CLEC6A: variants seen among roughly 807,000 people sequenced by gnomAD.
CLEC6A encodes C-type lectin domain family 6 member A.
A neutral mutation model predicts 25.7 loss-of-function variants in CLEC6A; 22 were observed. The observed-to-expected ratio is 0.85, with a 90% CI of 0.61 to 1.22. CLEC6A has a LOEUF of 1.22. Ranked by LOEUF, CLEC6A falls within the 50% of genes most tolerant of loss-of-function variation. The probability of loss-of-function intolerance (pLI) is 0.00; values close to 1 mark genes in which losing one functional copy is unlikely to be tolerated. For missense variants in CLEC6A, 240 were observed against 236.8 expected (o/e 1.01, Z -0.09); for synonymous variants, 92 against 76.7 (o/e 1.20, Z -1.04).
chr12:8,477,353 A>T lies in CLEC6A; in HGVS notation c.519A>T (p.Ala173=). 1.2e-6 allele frequency: 2 copies of T among 1,611,980 alleles called. No individual in the cohort carries two copies. The highest frequency in any genetic ancestry group is 4.5e-5 in the East Asian group (2 of 44,806). The change falls in exon 6 of 6, where the codon GCA becomes GCT. Residue 173 remains alanine, a synonymous_variant. Transcript: ENST00000382073. ...ACCTAGGTGAGCCCAATCATTCTGCAGAGCAATGTGCTTCAATAGTCTTCT... is the reference window on the plus strand; with the variant it reads ...ACCTAGGTGAGCCCAATCATTCTGCTGAGCAATGTGCTTCAATAGTCTTCT... The part of the protein sequence containing the change: ...FWHLGEPNHS[A]EQCASIVFWK...
intron 3 of CLEC6A, chr12:8,460,633 T>A: frequency 6.9e-7 from 1 of 1,442,534 alleles, no homozygotes; most frequent in Non-Finnish European, 9.7e-7. Context: ...TGCATACAAG[T>A]ATATCCAGGA....
At chr12:8,475,588 C>A (rs1212638788) in intron 4 of CLEC6A, among the ~76,000 whole-genome samples, 2 of 151,894 alleles carry the variant, frequency 1.3e-5, no homozygotes, top group Non-Finnish European at 2.9e-5. Flanking sequence ...TTAGGTCAAG[C>A]AGCAGGCAGG....
At chr12:8,473,495 G>T (rs115368803) in intron 4 of CLEC6A, among the ~76,000 whole-genome samples, 1 of 152,084 alleles carries the variant, frequency 6.6e-6, no homozygotes, top group Non-Finnish European at 1.5e-5. Context: ...CACCTAGGTC[G>T]ATTCCATGTT....
At chr12:8,469,441 A>G (rs1939876558) in intron 4 of CLEC6A, among the ~76,000 whole-genome samples, 1 of 152,148 alleles carries the variant, frequency 6.6e-6, no homozygotes, top group African/African-American at 2.4e-5. Context: ...AAAACCCTAA[A>G]ATTCATATGG....
intron 4 of CLEC6A, among the ~76,000 whole-genome samples, chr12:8,473,532 G>T (rs1939934472): frequency 6.6e-6 from 1 of 152,112 alleles, no homozygotes; most frequent in Admixed American, 6.6e-5. Flanking sequence ...CCATTGCAAT[G>T]AACATATGAG....
chr12:8,462,203 G>C, intron 3 of CLEC6A, among the ~76,000 whole-genome samples: 2 of 149,878 alleles, frequency 1.3e-5, no homozygotes, highest in Non-Finnish European at 3.0e-5. Flanking sequence ...CTAATCTCAA[G>C]TACCCAGGGA....
chr12:8,460,704 G>C (rs1057302427), intron 3 of CLEC6A: 2 of 1,486,920 alleles, frequency 1.3e-6, no homozygotes, highest in African/African-American at 2.8e-5. Flanking sequence ...GCTGCTGGCA[G>C]TACCGCCAGC....
chr12:8,470,473 C>T (rs933421027), intron 4 of CLEC6A, among the ~76,000 whole-genome samples: 3 of 152,056 alleles, frequency 2.0e-5, no homozygotes, highest in African/African-American at 7.2e-5. Flanking sequence ...GAAAAAGATA[C>T]TTGTACATGC....
chr12:8,465,790 C>A (rs1014965909), intron 4 of CLEC6A, among the ~76,000 whole-genome samples, 161 bp downstream of exon 4: 3 of 152,136 alleles, frequency 2.0e-5, no homozygotes, highest in Non-Finnish European at 4.4e-5. Context: ...AACTGGAACT[C>A]CCCACCCATT....
intron 4 of CLEC6A, among the ~76,000 whole-genome samples, chr12:8,467,355 G>C (rs1304947105): frequency 2.0e-5 from 3 of 152,134 alleles, no homozygotes; most frequent in Non-Finnish European, 4.4e-5. Context: ...AACATTTTGA[G>C]TTAATTTCTT....
chr12:8,460,188 G>T (rs1272021056), intron 3 of CLEC6A, among the ~76,000 whole-genome samples: 1 of 152,178 alleles, frequency 6.6e-6, no homozygotes, highest in African/African-American at 2.4e-5. Context: ...ATTATGGTTG[G>T]TGTATTAGTC....
chr12:8,467,153 CTTAG>C (rs996782419), intron 4 of CLEC6A, among the ~76,000 whole-genome samples: 3 of 151,984 alleles, frequency 2.0e-5, no homozygotes, highest in African/African-American at 7.3e-5. Context: ...CTGTCTTTTC[CTTAG>C]TTGATTGTTT....
chr12:8,466,391 G>C (rs1939830569), intron 4 of CLEC6A, among the ~76,000 whole-genome samples: 1 of 152,098 alleles, frequency 6.6e-6, no homozygotes, highest in South Asian at 2.1e-4. Context: ...TTAATTCTTT[G>C]GATATATACC....
intron 4 of CLEC6A, among the ~76,000 whole-genome samples, chr12:8,466,469 T>C (rs986746894): frequency 1.3e-5 from 2 of 152,198 alleles, no homozygotes; most frequent in African/African-American, 2.4e-5. Flanking sequence ...TCATACTGTT[T>C]TCATGATGAC....
intron 3 of CLEC6A, chr12:8,461,033 A>G (rs1939747342): frequency 6.4e-7 from 1 of 1,570,354 alleles, no homozygotes; most frequent in Non-Finnish European, 8.7e-7. Context: ...GATCCATTCT[A>G]TAAAGCTATC....
At chr12:8,468,841 G>T (rs1229436844) in intron 4 of CLEC6A, among the ~76,000 whole-genome samples, 1 of 151,948 alleles carries the variant, frequency 6.6e-6, no homozygotes, top group Admixed American at 6.6e-5. Context: ...ATACTCAACA[G>T]GGAAAAGTTA....
Position 8,456,109 on chromosome 12 carries a change from A to G in CLEC6A, c.-3A>G. 1.9e-6 allele frequency: 3 copies of G among 1,613,934 alleles called. No individual in the cohort carries two copies. The highest frequency in any genetic ancestry group is 2.5e-6 in the Non-Finnish European group (3 of 1,179,864). Reference sequence around the variant, plus strand: ...GACCTTCTCAACACAGGGAGCCTGCATAATGATGCAAGAGCAGCAACCTCA... The same window carrying G: ...GACCTTCTCAACACAGGGAGCCTGCGTAATGATGCAAGAGCAGCAACCTCA... On this transcript the variant is annotated 5_prime_UTR_variant, in exon 1 of 6. Coordinates refer to ENST00000382073, the MANE Select transcript of CLEC6A (RefSeq NM_001007033.2).
Position 8,459,640 on chromosome 12 carries a change from T to G in CLEC6A, c.165T>G (p.Ser55=). ...FTYGETGKRL[S]ELHSYHSSLT... is the part of the protein sequence containing the mutation. Reference sequence around the variant, plus strand: ...ATGGTGAAACTGGCAAAAGGCTGTCTGAACTACACTCATATCATTCAAGTC... The same window carrying G: ...ATGGTGAAACTGGCAAAAGGCTGTCGGAACTACACTCATATCATTCAAGTC... Residue 55 remains serine, a synonymous_variant, in exon 3 of 6, where the codon TCT becomes TCG. Coordinates refer to ENST00000382073, the MANE Select transcript of CLEC6A (RefSeq NM_001007033.2). 1 of 1,613,732 alleles carries G rather than the reference T, an allele frequency of 6.2e-7. No individual in the cohort carries two copies. The highest frequency in any genetic ancestry group is 1.1e-5 in the South Asian group (1 of 91,072).
At chr12:8,459,555 C>A in intron 2 of CLEC6A, 42 bp from the exon 3 acceptor site, 1 of 1,314,572 alleles carries the variant, frequency 7.6e-7, no homozygotes, top group Non-Finnish European at 1.1e-6. Context: ...GGCTTTATAG[C>A]AAAATAATAG....
Sources: allele counts gnomAD v4.1 joint callset (sites outside exome capture counted in the v4.1 genomes callset), GRCh38; gene constraint gnomAD v4.1.1; transcripts MANE v1.5; gene names NCBI Gene and HGNC (gene_info 2026-07-23, HGNC 2026-07-21).